HMGB1: variants seen among roughly 807,000 people sequenced by gnomAD.
HMGB1 encodes the protein high mobility group protein B1.
For synonymous variants in HMGB1, 81 were observed against 84.0 expected (o/e 0.96, Z 0.19); for missense variants, 79 against 253.5 (o/e 0.31, Z 4.67).
chr13:30,526,271 G>A (rs1188323950), intron 1 of HMGB1, among the ~76,000 whole-genome samples: 1 of 152,056 alleles, frequency 6.6e-6, no homozygotes, highest in African/African-American at 2.4e-5. Flanking sequence ...TGGCCAGGCT[G>A]GTCTCAAACT....
intron 1 of HMGB1, among the ~76,000 whole-genome samples, chr13:30,589,992 A>G (rs1241966083): frequency 1.3e-5 from 2 of 152,194 alleles, no homozygotes; most frequent in Non-Finnish European, 2.9e-5. Context: ...TAGATAAGAA[A>G]GGAGAGAGAG....
chr13:30,615,136 C>G (rs906991585), intron 1 of HMGB1, among the ~76,000 whole-genome samples: 1 of 152,204 alleles, frequency 6.6e-6, no homozygotes, highest in Non-Finnish European at 1.5e-5. Context: ...ATACCTCTAT[C>G]ATTGCATGTA....
chr13:30,583,041 A>AT (rs1346813100), intron 1 of HMGB1, among the ~76,000 whole-genome samples: 1 of 150,550 alleles, frequency 6.6e-6, no homozygotes, highest in African/African-American at 2.4e-5. Flanking sequence ...TTTTTTTTCA[A>AT]TTTTTTGTAG....
chr13:30,490,707 C>T lies in HMGB1; in HGVS notation c.-14-27013G>A, dbSNP rs929311655. Among the ~76,000 whole-genome samples the T allele has an allele frequency of 3.3e-5, 5 of 151,542 alleles. No individual in the cohort carries two copies. In the Middle Eastern group the frequency reaches 9.5e-3, roughly 288 times the overall value. On this transcript the variant is annotated intron_variant, in intron 1 of 4. Transcript: ENST00000405805. ...CTGTGGTGGGAGGATCGCTTAAGCC[C>T]AAGAATTTGAGGCTGCAATGAGCTA...
At chr13:30,566,625 AATG>A (rs1870197370) in intron 1 of HMGB1, among the ~76,000 whole-genome samples, 1 of 152,234 alleles carries the variant, frequency 6.6e-6, no homozygotes, top group African/African-American at 2.4e-5. Context: ...GCTCTGAAGC[AATG>A]ATATCTCGAT....
upstream of HMGB1, among the ~76,000 whole-genome samples, chr13:30,469,625 G>A (rs1469309323): frequency 8.8e-5 from 5 of 57,054 alleles, 1 homozygote; most frequent in East Asian, 7.2e-3. Context: ...GTGCCACCAC[G>A]CCCGGCCTAT....
At chr13:30,555,033 GTTTTTTTTTT>G (rs1007919529) in intron 1 of HMGB1, among the ~76,000 whole-genome samples, 8 of 72,440 alleles carry the variant, frequency 1.1e-4, no homozygotes, top group African/African-American at 4.6e-4. Context: ...GTGTCGTTGT[GTTTTTTTTTT>G]TTTTTTTTTT....
intron 1 of HMGB1, among the ~76,000 whole-genome samples, chr13:30,519,973 T>A (rs1039204781): frequency 6.6e-6 from 1 of 152,228 alleles, no homozygotes; most frequent in South Asian, 2.1e-4. Flanking sequence ...TAACACTCTT[T>A]TGCATACATA....
intron 1 of HMGB1, among the ~76,000 whole-genome samples, chr13:30,510,914 T>C (rs370977311): frequency 3.9e-5 from 6 of 152,300 alleles, no homozygotes; most frequent in Non-Finnish European, 1.5e-5. Flanking sequence ...CAAAATGTAT[T>C]GTGTATATCA....
In HMGB1 at chr13:30,515,355, T is replaced by A. The variant is rs138754165; in HGVS notation, c.-14-51661A>T. On this transcript the variant is annotated intron_variant, in intron 1 of 4. Coordinates refer to the HMGB1 transcript ENST00000405805. Reference sequence around the variant, plus strand: ...TTCCCTTGAGCAGAGAACCTGACTATGCCAAACTGAACTTCTGACCTACAC... The same window carrying A: ...TTCCCTTGAGCAGAGAACCTGACTAAGCCAAACTGAACTTCTGACCTACAC... 1.3e-3 allele frequency among the ~76,000 whole-genome samples: 199 copies of A among 152,250 alleles called. 1 individual carries two copies. The highest frequency in any genetic ancestry group is 4.6e-3 in the African/African-American group (193 of 41,558).
intron 1 of HMGB1, among the ~76,000 whole-genome samples, chr13:30,538,717 TCTTTTTC>T (rs1566019288): frequency 1.1e-4 from 12 of 107,512 alleles, no homozygotes; most frequent in African/African-American, 5.5e-4. Context: ...CTTTCTTTCT[TCTTTTTC>T]TTTCTTTTTC....
At chr13:30,594,271 G>A (rs371360163) in intron 1 of HMGB1, among the ~76,000 whole-genome samples, 127 of 152,138 alleles carry the variant, frequency 8.3e-4, no homozygotes, top group African/African-American at 3.0e-3. Context: ...TTATTACTTG[G>A]GTATATTGTG....
intron 1 of HMGB1, among the ~76,000 whole-genome samples, chr13:30,491,771 C>T (rs1453390589): frequency 6.6e-6 from 1 of 151,960 alleles, no homozygotes; most frequent in Non-Finnish European, 1.5e-5. Flanking sequence ...TAGAAAACTC[C>T]AAGAGTTAAA....
At chr13:30,556,850 A>C (rs992919432) in intron 1 of HMGB1, among the ~76,000 whole-genome samples, 3 of 152,240 alleles carry the variant, frequency 2.0e-5, no homozygotes, top group Admixed American at 2.0e-4. Flanking sequence ...GAATGACTAT[A>C]GTTAATAATA....
intron 1 of HMGB1, among the ~76,000 whole-genome samples, chr13:30,527,943 A>G (rs1888408483): frequency 6.6e-6 from 1 of 152,196 alleles, no homozygotes; most frequent in African/African-American, 2.4e-5. Context: ...TGAAATTTTA[A>G]AAAGGCAAAC....
chr13:30,554,861 C>G (rs1292137341), intron 1 of HMGB1, among the ~76,000 whole-genome samples: 3 of 151,896 alleles, frequency 2.0e-5, no homozygotes, highest in Non-Finnish European at 4.4e-5. Context: ...AATTTTGAAC[C>G]ACTGATGTGC....
intron 1 of HMGB1, among the ~76,000 whole-genome samples, chr13:30,496,364 T>C (rs1329880359): frequency 6.6e-6 from 1 of 152,190 alleles, no homozygotes; most frequent in African/African-American, 2.4e-5. Context: ...CTGCCTAGAC[T>C]CACAGCCTGG....
intron 1 of HMGB1, among the ~76,000 whole-genome samples, chr13:30,557,385 T>C (rs1297013257): frequency 6.6e-6 from 1 of 152,182 alleles, no homozygotes; most frequent in Non-Finnish European, 1.5e-5. Flanking sequence ...GAATGCCTAG[T>C]CTATGTTCCT....
In HMGB1 at chr13:30,583,028, AT is replaced by A. The variant is rs200713079; in HGVS notation, c.-15+33642del. Among the ~76,000 whole-genome samples, 109 of 148,102 alleles carry A rather than the reference AT, an allele frequency of 7.4e-4. 1 individual carries two copies. In the East Asian group the frequency reaches 0.013, roughly 18 times the overall value. ...TTCCACACAGCATCCATACTGATCT[AT>A]TTTTTTTTTCAATTTTTTGTAGAGA... On this transcript the variant is annotated intron_variant, in intron 1 of 4. Transcript: ENST00000405805.
Sources: allele counts gnomAD v4.1 joint callset (sites outside exome capture counted in the v4.1 genomes callset), GRCh38; gene constraint gnomAD v4.1.1; transcripts MANE v1.5; gene names NCBI Gene and HGNC (gene_info 2026-07-23, HGNC 2026-07-21).